FRMPD4: variants seen among roughly 807,000 people sequenced by gnomAD.
FRMPD4 encodes the protein FERM and PDZ domain-containing protein 4.
FRMPD4 carries 22 observed loss-of-function variants against 94.1 expected under a neutral mutation model. That is an observed-to-expected ratio of 0.23 (90% CI 0.17 to 0.33). The LOEUF (loss-of-function observed/expected upper bound fraction) is 0.33. Ranked by LOEUF, FRMPD4 falls within the 10% of genes least tolerant of loss-of-function variation. The probability of loss-of-function intolerance (pLI) is 1.00; values close to 1 mark genes in which losing one functional copy is unlikely to be tolerated. For missense variants in FRMPD4, 1,111 were observed against 1,339.9 expected (o/e 0.83, Z 2.67); for synonymous variants, 631 against 548.6 (o/e 1.15, Z -2.10).
intron 2 of FRMPD4, among the ~76,000 whole-genome samples, chrX:12,579,594 T>G (rs1345296297): frequency 8.9e-6 from 1 of 112,092 alleles, no homozygotes; most frequent in Non-Finnish European, 1.9e-5. Flanking sequence ...ATGTTTAGCT[T>G]TCTAGCTCCA....
intron 1 of FRMPD4, among the ~76,000 whole-genome samples, chrX:12,180,006 T>G (rs1041937044): frequency 1.8e-5 from 2 of 110,169 alleles, no homozygotes; most frequent in African/African-American, 6.6e-5. Context: ...CTGTTGGTAT[T>G]GGGTATGGGA....
At position 12,290,869 on chromosome X, in the gene FRMPD4, A is replaced by G. The variant is rs905457312; in HGVS notation, c.41+151857A>G. 7.5e-3 allele frequency among the ~76,000 whole-genome samples: 75 copies of G among 9,945 alleles called. No individual in the cohort carries two copies. The East Asian group carries it at 0.35, about 46-fold the overall frequency. 8.6% of individuals were successfully genotyped at this position (9,945 alleles called of 115,157 possible). A position where few individuals can be genotyped will look rare whatever the true frequency, so the allele number is the denominator to read the frequency against. On this transcript the variant is annotated intron_variant, in intron 1 of 16. Transcript: ENST00000675598. ...TTACAGAAACATGGAGGTAATCGGA[A>G]AAAAAAAAATCCCTTAAATACATTA...
chrX:12,028,279 T>C (rs1016229608), intron 3 of FRMPD4, among the ~76,000 whole-genome samples: 6 of 112,157 alleles, frequency 5.3e-5, no homozygotes, highest in African/African-American at 1.9e-4. Flanking sequence ...CATTCTTTTG[T>C]TGTTGTTAAT....
intron 1 of FRMPD4, among the ~76,000 whole-genome samples, chrX:12,490,382 A>T (rs1431355291): frequency 1.8e-5 from 2 of 111,186 alleles, no homozygotes; most frequent in Non-Finnish European, 3.8e-5. Flanking sequence ...ACCATTGTAG[A>T]TGCTAGGCTA....
At chrX:12,611,151 G>T (rs2148419966) in intron 3 of FRMPD4, among the ~76,000 whole-genome samples, 1 of 112,263 alleles carries the variant, frequency 8.9e-6, no homozygotes, top group Admixed American at 9.4e-5. Context: ...CCTGAAGTGG[G>T]CTGCCTTTAC....
chrX:12,718,530 T>C lies in FRMPD4; in HGVS notation c.3704T>C (p.Val1235Ala). ...AGTGGCAGTGCCTGTGCCACACCCG[T>C]GGAGTCGCCGCTCTGCCCCTCCCTG... ...GSSGSACATP[V>A]ESPLCPSLGK... Residue 1235 changes from valine (V) to alanine (A), a missense_variant, in exon 16 of 17, where the codon GTG becomes GCG. Transcript: ENST00000675598. 8.3e-7 allele frequency: 1 copy of C among 1,200,394 alleles called. No homozygotes were observed. Among genetic ancestry groups the C allele is most frequent in the Non-Finnish European group, 1.1e-6 (1 of 885,107 alleles).
intron 3 of FRMPD4, among the ~76,000 whole-genome samples, chrX:11,965,869 T>C (rs926017303): frequency 8.9e-6 from 1 of 112,332 alleles, no homozygotes; most frequent in African/African-American, 3.2e-5. Flanking sequence ...CGACTTTATG[T>C]TCCACAGTCT....
intron 1 of FRMPD4, among the ~76,000 whole-genome samples, chrX:12,208,452 A>G (rs995969461): frequency 9.7e-6 from 1 of 103,553 alleles, no homozygotes; most frequent in Non-Finnish European, 2.0e-5. Context: ...GAGAGAAGAA[A>G]CCACTGCACC....
At chrX:12,603,885 C>T (rs892766046) in intron 2 of FRMPD4, among the ~76,000 whole-genome samples, 2 of 110,830 alleles carry the variant, frequency 1.8e-5, no homozygotes, top group Non-Finnish European at 3.8e-5. Context: ...TCATGGGGAA[C>T]ATGCTAGTAG....
At chrX:11,877,686 A>G (rs2053792797) in intron 2 of FRMPD4, among the ~76,000 whole-genome samples, 1 of 111,864 alleles carries the variant, frequency 8.9e-6, no homozygotes, top group South Asian at 3.7e-4. Context: ...AGGCAGAGCC[A>G]CTCCTCTTTT....
intron 1 of FRMPD4, among the ~76,000 whole-genome samples, chrX:12,288,165 T>C (rs1427651212): frequency 1.8e-5 from 2 of 112,021 alleles, no homozygotes; most frequent in Non-Finnish European, 3.8e-5. Context: ...GCAGAAGGGA[T>C]GATATTACTG....
chrX:12,476,309 T>G (rs1344989552), intron 1 of FRMPD4, among the ~76,000 whole-genome samples: 2 of 111,577 alleles, frequency 1.8e-5, no homozygotes, highest in African/African-American at 3.3e-5. Context: ...ATACAAAAAT[T>G]AATTCAAGAT....
chrX:12,633,048 C>T (rs2059410162), intron 4 of FRMPD4, among the ~76,000 whole-genome samples: 2 of 111,496 alleles, frequency 1.8e-5, no homozygotes, highest in African/African-American at 6.5e-5. Context: ...CTGTGAGGGG[C>T]GTAATTGGAC....
intron 2 of FRMPD4, among the ~76,000 whole-genome samples, chrX:12,543,023 A>G (rs1442289188): frequency 8.9e-6 from 1 of 112,125 alleles, no homozygotes; most frequent in Non-Finnish European, 1.9e-5. Flanking sequence ...TGCTGGGAAA[A>G]CTGGCTAGCC....
intron 3 of FRMPD4, among the ~76,000 whole-genome samples, chrX:11,972,632 T>C (rs1020304913): frequency 8.9e-6 from 1 of 112,306 alleles, no homozygotes; most frequent in Non-Finnish European, 1.9e-5. Flanking sequence ...TCAGGCACAT[T>C]GCTTACTTCT....
chrX:12,609,925 C>T (rs1437917170), intron 3 of FRMPD4, 44 bp downstream of exon 3: 4 of 1,083,380 alleles, frequency 3.7e-6, no homozygotes, highest in Admixed American at 2.2e-5. Context: ...GAATGTCTGC[C>T]ACACTCTGCC....
At chrX:12,184,407 C>T (rs2056398627) in intron 1 of FRMPD4, among the ~76,000 whole-genome samples, 1 of 111,642 alleles carries the variant, frequency 9.0e-6, no homozygotes, top group African/African-American at 3.3e-5. Flanking sequence ...GCCAGTCACA[C>T]ACATGCTGAA....
intron 1 of FRMPD4, among the ~76,000 whole-genome samples, chrX:12,274,951 G>A (rs925861352): frequency 4.5e-5 from 5 of 112,229 alleles, no homozygotes; most frequent in African/African-American, 1.6e-4. Context: ...GGAGCTTGCA[G>A]TGAGCGGTGA....
chrX:11,958,313 A>C (rs1036890330), intron 3 of FRMPD4, among the ~76,000 whole-genome samples: 2 of 112,087 alleles, frequency 1.8e-5, no homozygotes, highest in Non-Finnish European at 3.8e-5. Context: ...GAGTGTGTCC[A>C]AAGACAAAAT....
Sources: gnomAD v4.1 joint callset for allele counts (sites outside exome capture counted in the v4.1 genomes callset) on GRCh38, gnomAD v4.1.1 for gene constraint, MANE v1.5 for transcripts, NCBI Gene and HGNC (gene_info 2026-07-23, HGNC 2026-07-21) for gene names.